The following MOCOS variants were observed in gnomAD, a reference collection of about 807,000 sequenced individuals.
MOCOS encodes the protein human molybdenum cofactor sulfurase.
Under a neutral mutation model 83.6 loss-of-function variants are expected in MOCOS, and 86 were observed. The observed-to-expected ratio is 1.03, with a 90% CI of 0.86 to 1.23. The LOEUF (loss-of-function observed/expected upper bound fraction) is 1.23, where lower values mean the gene tolerates loss of function less well. Among genes scored for constraint, MOCOS ranks in the 50% most tolerant of loss-of-function variants. The pLI is 0.00. For missense variants in MOCOS, 1,120 were observed against 1,126.9 expected (o/e 0.99, Z 0.09); for synonymous variants, 445 against 434.7 (o/e 1.02, Z -0.29).
chr18:36,231,432 A>G (rs746776859), intron 9 of MOCOS, among the ~76,000 whole-genome samples: 37 of 152,200 alleles, frequency 2.4e-4, no homozygotes, highest in Non-Finnish European at 4.7e-4. Context: ...TACATTAATT[A>G]TTGTTATTTT....
Position 36,219,868 on chromosome 18 carries a change from T to C in MOCOS, c.1798-187T>C, listed in dbSNP as rs577734680. 2.6e-5 allele frequency among the ~76,000 whole-genome samples: 4 copies of C among 152,266 alleles called. No individual in the cohort carries two copies. The South Asian group carries it at 8.3e-4, about 32-fold the overall frequency. ...GGACCTGGAGGCTGAATGGGAGATATCCAGCTCCTACATCATCTTCTTTGC... is the reference window on the plus strand; with the variant it reads ...GGACCTGGAGGCTGAATGGGAGATACCCAGCTCCTACATCATCTTCTTTGC... On this transcript the variant is annotated intron_variant, in intron 8 of 14. Coordinates refer to ENST00000261326, the MANE Select transcript of MOCOS (RefSeq NM_017947.4).
intron 9 of MOCOS, among the ~76,000 whole-genome samples, chr18:36,235,943 C>A (rs1196884852): frequency 6.6e-6 from 1 of 151,922 alleles, no homozygotes; most frequent in South Asian, 2.1e-4. Context: ...TGAGACGTGT[C>A]TGTTCATGTC....
At chr18:36,191,488 G>A (rs2144891799) in intron 1 of MOCOS, among the ~76,000 whole-genome samples, 1 of 152,334 alleles carries the variant, frequency 6.6e-6, no homozygotes, top group Middle Eastern at 3.4e-3. Flanking sequence ...CTGTCACCCA[G>A]GCTGGAATGC....
intron 7 of MOCOS, among the ~76,000 whole-genome samples, chr18:36,214,891 C>T (rs1436490648): frequency 6.6e-6 from 1 of 152,208 alleles, no homozygotes; most frequent in Admixed American, 6.5e-5. Context: ...TCCAGGACTG[C>T]TCCATGCACT....
intron 9 of MOCOS, among the ~76,000 whole-genome samples, chr18:36,234,453 T>C (rs2091550013): frequency 6.6e-6 from 1 of 152,196 alleles, no homozygotes; most frequent in African/African-American, 2.4e-5. Flanking sequence ...TAGTTTGAAG[T>C]TGGGTAATGT....
intron 9 of MOCOS, among the ~76,000 whole-genome samples, chr18:36,225,622 C>A (rs1465870697): frequency 6.6e-6 from 1 of 151,822 alleles, no homozygotes; most frequent in East Asian, 1.9e-4. Context: ...TTTTCTAGTT[C>A]CTTGTGGTGT....
intron 1 of MOCOS, among the ~76,000 whole-genome samples, chr18:36,192,597 G>A (rs756806740): frequency 5.9e-5 from 9 of 152,162 alleles, no homozygotes; most frequent in Admixed American, 3.3e-4. Flanking sequence ...TTGACAAGCT[G>A]ATTCTAAAAT....
At chr18:36,208,814 G>A (rs956739786) in intron 6 of MOCOS, among the ~76,000 whole-genome samples, 4 of 152,174 alleles carry the variant, frequency 2.6e-5, no homozygotes, top group African/African-American at 9.7e-5. Flanking sequence ...CTGTGGCTAG[G>A]ACTTCCAGTA....
intron 9 of MOCOS, 45 bp from the exon 10 acceptor site, chr18:36,248,877 T>G (rs1457651874): frequency 2.6e-6 from 4 of 1,513,314 alleles, no homozygotes; most frequent in Non-Finnish European, 3.7e-6. Flanking sequence ...AAGTAGCTGT[T>G]GTTTTTACAT....
intron 14 of MOCOS, among the ~76,000 whole-genome samples, chr18:36,267,220 C>T (rs2091684901): frequency 6.6e-6 from 1 of 152,160 alleles, no homozygotes; most frequent in South Asian, 2.1e-4. Flanking sequence ...AGAGTCAGTA[C>T]ATTTCATTAA....
chr18:36,187,778 C>A lies in MOCOS; in HGVS notation c.142+97C>A, dbSNP rs551926840. On this transcript the variant is annotated intron_variant, in intron 1 of 14. Coordinates refer to ENST00000261326, the MANE Select transcript of MOCOS (RefSeq NM_017947.4). ...TGAGAGCGGCGCTACCTCATTCGGGCGCATTTTGAATCGAAACTCCAGGAG... is the reference window on the plus strand; with the variant it reads ...TGAGAGCGGCGCTACCTCATTCGGGAGCATTTTGAATCGAAACTCCAGGAG... The A allele has an allele frequency of 1.6e-5, 19 of 1,214,128 alleles. No homozygotes were observed. In the African/African-American group the frequency reaches 3.0e-4, roughly 19 times the overall value. The allele number at this position is 1,214,128 out of a possible 1,614,324, so 75.2% of individuals were successfully genotyped here. A position where few individuals can be genotyped will look rare whatever the true frequency, so the allele number is the denominator to read the frequency against.
Position 36,215,545 on chromosome 18 carries a change from C to T in MOCOS, c.1365C>T (p.Asp455=), listed in dbSNP as rs769039418. 1 of 1,614,126 alleles carries T rather than the reference C, an allele frequency of 6.2e-7. No homozygotes were observed. Among genetic ancestry groups the T allele is most frequent in the East Asian group, 2.2e-5 (1 of 44,890 alleles). ...QAGHVCGDNM[D]LIDGQPTGSV... ...GTCATGTCTGTGGGGACAATATGGA[C>T]CTCATAGATGGGCAGCCCACAGGAT... The change falls in exon 8 of 15, where the codon GAC becomes GAT. Residue 455 remains aspartate (D), a synonymous_variant. Coordinates refer to ENST00000261326, the MANE Select transcript of MOCOS (RefSeq NM_017947.4).
chr18:36,193,671 G>C (rs1235807670), intron 1 of MOCOS, among the ~76,000 whole-genome samples: 1 of 152,178 alleles, frequency 6.6e-6, no homozygotes. Flanking sequence ...CTAGGACCTT[G>C]TTGAATTAGA....
chr18:36,229,240 C>G (rs1014609049), intron 9 of MOCOS, among the ~76,000 whole-genome samples: 4 of 152,100 alleles, frequency 2.6e-5, no homozygotes, highest in Middle Eastern at 6.8e-3. Flanking sequence ...TTTTATAAAT[C>G]AGGTCTAGTA....
At chr18:36,190,705 C>T (rs1466271185) in intron 1 of MOCOS, among the ~76,000 whole-genome samples, 2 of 151,940 alleles carry the variant, frequency 1.3e-5, no homozygotes, top group African/African-American at 2.4e-5. Context: ...GCTGAGATTG[C>T]ACCACTTCAC....
At chr18:36,202,457 G>C (rs1299653547) in intron 4 of MOCOS, among the ~76,000 whole-genome samples, 1 of 152,114 alleles carries the variant, frequency 6.6e-6, no homozygotes, top group Non-Finnish European at 1.5e-5. Context: ...GCCTCCCAAA[G>C]TGTTGAGATA....
At chr18:36,242,861 T>C (rs1235234488) in intron 9 of MOCOS, among the ~76,000 whole-genome samples, 1 of 152,218 alleles carries the variant, frequency 6.6e-6, no homozygotes, top group African/African-American at 2.4e-5. Context: ...GAGTGGGGAT[T>C]ACAATTCAAG....
chr18:36,205,186 C>T lies in MOCOS; in HGVS notation c.1128C>T (p.Ser376=), dbSNP rs138618669. 1.2e-4 allele frequency: 189 copies of T among 1,613,782 alleles called. No homozygotes were observed. In the East Asian group the frequency reaches 3.7e-3, roughly 31 times the overall value. ...GAGCCCCTGTGGTGCGGATTTACAGCGATTCTGAGTTCAGCAGCCCTGAGG... is the reference window on the plus strand; with the variant it reads ...GAGCCCCTGTGGTGCGGATTTACAGTGATTCTGAGTTCAGCAGCCCTGAGG... ...PNGAPVVRIY[S]DSEFSSPEVQ... Residue 376 remains serine (S), a synonymous_variant, in exon 6 of 15, where the codon AGC becomes AGT. Coordinates refer to ENST00000261326, the MANE Select transcript of MOCOS (RefSeq NM_017947.4).
At chr18:36,235,057 C>T (rs1173784608) in intron 9 of MOCOS, among the ~76,000 whole-genome samples, 1 of 152,138 alleles carries the variant, frequency 6.6e-6, no homozygotes, top group Non-Finnish European at 1.5e-5. Context: ...CCCCTGGCCC[C>T]TCCCAAATCT....
Sources: allele counts gnomAD v4.1 joint callset (sites outside exome capture counted in the v4.1 genomes callset), GRCh38; gene constraint gnomAD v4.1.1; transcripts MANE v1.5; gene names NCBI Gene and HGNC (gene_info 2026-07-23, HGNC 2026-07-21).